IL4I1: variants seen among roughly 807,000 people sequenced by gnomAD.
IL4I1 encodes interleukin 4 induced 1.
A neutral mutation model predicts 29.7 loss-of-function variants in IL4I1; 24 were observed. That is an observed-to-expected ratio of 0.81 (90% CI 0.59 to 1.14). The LOEUF is 1.14. Among genes scored for constraint, IL4I1 ranks in the 50% most tolerant of loss-of-function variants. The pLI is 0.00. For synonymous variants in IL4I1, 371 were observed against 352.5 expected (o/e 1.05, Z -0.59); for missense variants, 686 against 785.6 (o/e 0.87, Z 1.52).
rs1364490305 is a variant in IL4I1 at position 49,902,958 on chromosome 19, T to A, written c.-104-1137A>T. ...GGTAAAACCCTGTCTCTACTAAAAA[T>A]ACGAAAATTAGCTGGGTGTGGTAGT... On this transcript the variant is annotated intron_variant, in intron 3 of 9. Transcript: ENST00000341114. 2.0e-5 allele frequency among the ~76,000 whole-genome samples: 3 copies of A among 146,796 alleles called. No individual in the cohort carries two copies. The Admixed American group carries it at 2.0e-4, about 10-fold the overall frequency.
chr19:49,904,952 C>A (rs559279538), intron 2 of IL4I1, among the ~76,000 whole-genome samples: 14 of 152,216 alleles, frequency 9.2e-5, no homozygotes, highest in South Asian at 6.2e-4. Flanking sequence ...CCTCGTGATC[C>A]GCCCACCTTG....
intron 2 of IL4I1, among the ~76,000 whole-genome samples, chr19:49,913,536 C>T (rs1228862384): frequency 1.3e-5 from 2 of 152,230 alleles, no homozygotes. Context: ...ACCCGGGCCG[C>T]CACTGCTCCG....
chr19:49,896,776 C>T, intron 1 of IL4I1, 59 bp downstream of exon 1: 5 of 947,864 alleles, frequency 5.3e-6, no homozygotes, highest in Non-Finnish European at 3.8e-6. Context: ...GACTGCTTCT[C>T]AGTCCCTATT....
rs993455649 is a variant in IL4I1 at position 49,908,632 on chromosome 19, C to G, written c.-227-4311G>C. The stretch of plus-strand genomic sequence containing the variant: ...TCTGCTGGGACAGGATGAAGTCGAG[C>G]TCCTGGTCCAGCCTCTTCTGGTCCA... On this transcript the variant is annotated intron_variant, in intron 2 of 9. Coordinates refer to the IL4I1 transcript ENST00000341114. The G allele has an allele frequency of 3.1e-6, 5 of 1,613,258 alleles. No individual in the cohort carries two copies. In the Admixed American group the frequency reaches 8.3e-5, roughly 27 times the overall value.
chr19:49,896,462 T>G (rs1600474489), intron 1 of IL4I1, among the ~76,000 whole-genome samples: 1 of 151,742 alleles, frequency 6.6e-6, no homozygotes, highest in East Asian at 1.9e-4. Flanking sequence ...TTTTTAACAG[T>G]CTTTCTCTGC....
chr19:49,905,231 A>G (rs1222417868), intron 2 of IL4I1, among the ~76,000 whole-genome samples: 1 of 152,270 alleles, frequency 6.6e-6, no homozygotes, highest in Admixed American at 6.5e-5. Flanking sequence ...CACTTTGGAA[A>G]TACATGCTCA....
At position 49,921,311 on chromosome 19, in the gene IL4I1, C is replaced by T. The variant is rs938628594; in HGVS notation, c.-228+6383G>A. On this transcript the variant is annotated intron_variant, in intron 2 of 9. Transcript: ENST00000341114. The surrounding 1 kb of genome is among the most constrained non-coding windows in gnomAD (Gnocchi z 5.4). Reference sequence around the variant, plus strand: ...TCTGGCCCCACAGCTGAGCTCCTAACCGCACCGAGCCTCTCCAAAACATGG... The same window carrying T: ...TCTGGCCCCACAGCTGAGCTCCTAATCGCACCGAGCCTCTCCAAAACATGG... Among the ~76,000 whole-genome samples, 5 of 152,178 alleles carry T rather than the reference C, an allele frequency of 3.3e-5. No homozygotes were observed. Among genetic ancestry groups the T allele is most frequent in the African/African-American group, 1.2e-4 (5 of 41,438 alleles).
At chr19:49,909,185 G>C (rs747137579) in intron 2 of IL4I1, 4 of 1,613,810 alleles carry the variant, frequency 2.5e-6, no homozygotes, top group Non-Finnish European at 3.4e-6. Flanking sequence ...TGTGGGTGTG[G>C]GAGCAGCTGG....
intron 2 of IL4I1, among the ~76,000 whole-genome samples, chr19:49,914,843 A>G (rs1029983113): frequency 9.5e-5 from 14 of 147,020 alleles, no homozygotes; most frequent in Non-Finnish European, 1.5e-4. Flanking sequence ...GGGTTCAAGC[A>G]ATTCTCCCAC....
chr19:49,895,876 A>G lies in IL4I1; in HGVS notation c.191T>C (p.Val64Ala), dbSNP rs201454684. Residue 64 changes from valine to alanine, a missense_variant, in exon 3 of 8, where the codon GTG becomes GCG. Transcript: ENST00000391826. ...CAGCCCGGCCACACCAGCGCCAACC[A>G]CAATCACCCTCTGGGGCTTCAGGGT... ...NRTLKPQRVI[V>A]VGAGVAGLVA... is the part of the protein sequence containing the mutation. The G allele has an allele frequency of 3.1e-6, 5 of 1,614,070 alleles. No homozygotes were observed. In the East Asian group the frequency reaches 1.1e-4, roughly 36 times the overall value.
chr19:49,912,492 C>T (rs1362024860), intron 2 of IL4I1, among the ~76,000 whole-genome samples: 2 of 152,030 alleles, frequency 1.3e-5, no homozygotes, highest in Admixed American at 6.6e-5. Flanking sequence ...TTATTAAGTG[C>T]CACATTGGTT....
At chr19:49,901,912 G>A in intron 3 of IL4I1, 1 of 414,684 alleles carries the variant, frequency 2.4e-6, no homozygotes, top group East Asian at 3.8e-5. Flanking sequence ...ATAAACCCAG[G>A]TGAATTCATG....
rs976949046 is a variant in IL4I1, at chr19:49,890,151, G to A, written c.1223C>T (p.Ala408Val). The change falls in exon 8 of 8, where the codon GCC becomes GTC. Residue 408 changes from alanine to valine, a missense_variant. Transcript: ENST00000391826. The stretch of plus-strand genomic sequence containing the variant: ...CAACGCCTCTTCCCGGCTCAAGCCG[G>A]CGAACGCTGCCGCCGCGTCCGACCA... ...YTWSDAAAAF[A>V]GLSREEALRL... The A allele has an allele frequency of 1.9e-6, 3 of 1,541,396 alleles. No individual in the cohort carries two copies. Among genetic ancestry groups the A allele is most frequent in the African/African-American group, 2.7e-5 (2 of 72,896 alleles).
At chr19:49,918,915 G>GT (rs2075695975) in intron 2 of IL4I1, among the ~76,000 whole-genome samples, 1 of 109,768 alleles carries the variant, frequency 9.1e-6, no homozygotes, top group Non-Finnish European at 1.9e-5. Flanking sequence ...GGGGCGGGGT[G>GT]TGGGGGGGCG....
At position 49,896,864 on chromosome 19, in the gene IL4I1, C is replaced by T. The variant is rs556268352; in HGVS notation, c.-52G>A. On this transcript the variant is annotated 5_prime_UTR_variant, in exon 1 of 8. Transcript: ENST00000391826. ...AGCTCTTGGTGACAGCAGGACAGCG[C>T]GGTCCTCTCCACTGCCCTCCACTGT... The T allele has an allele frequency of 3.8e-5, 37 of 985,796 alleles. No homozygotes were observed. In the East Asian group the frequency reaches 2.4e-3, roughly 63 times the overall value. The allele number at this position is 985,796 out of a possible 1,614,324, so 61.1% of individuals were successfully genotyped here.
At chr19:49,917,699 T>C (rs1208926562) in intron 2 of IL4I1, 1 of 152,118 alleles carries the variant, frequency 6.6e-6, no homozygotes, top group Non-Finnish European at 1.5e-5. Flanking sequence ...CTCTCTTACA[T>C]AACTACCCTG....
chr19:49,895,938 C>G lies in IL4I1; in HGVS notation c.129G>C (p.Glu43Asp). ...CCCAGGTCACCACCTTGAGCAGCTG[C>G]TCATAGTCAGGATCCTGCATGCATT... ...FEKCMQDPDY[E>D]QLLKVVTWGL... The change falls in exon 3 of 8, where the codon GAG (glutamate) becomes GAC (aspartate). Residue 43 changes from glutamate to aspartate, a missense_variant. Physicochemically the swap from Glu to Asp is conservative, Grantham distance 45 (BLOSUM62 2). Coordinates refer to ENST00000391826, the MANE Select transcript of IL4I1 (RefSeq NM_152899.2). 1.2e-6 allele frequency: 2 copies of G among 1,614,210 alleles called. No homozygotes were observed. Among genetic ancestry groups the G allele is most frequent in the East Asian group, 4.5e-5 (2 of 44,886 alleles).
chr19:49,910,690 A>G (rs1162013095), intron 2 of IL4I1, among the ~76,000 whole-genome samples: 1 of 134,458 alleles, frequency 7.4e-6, no homozygotes, highest in Non-Finnish European at 1.6e-5. Flanking sequence ...ACATCACGGG[A>G]GACCATGAGC....
At chr19:49,895,787 C>A (rs2075199680) in intron 3 of IL4I1, 28 bp downstream of exon 3, 2 of 1,610,916 alleles carry the variant, frequency 1.2e-6, no homozygotes, top group South Asian at 2.2e-5. Flanking sequence ...GGAGGGACTC[C>A]AGGTAGACTG....
Sources: gnomAD v4.1 joint callset for allele counts (sites outside exome capture counted in the v4.1 genomes callset) on GRCh38, gnomAD v4.1.1 for gene constraint, Gnocchi (gnomAD v3.1) non-coding constraint, MANE v1.5 for transcripts, NCBI Gene and HGNC (gene_info 2026-07-23, HGNC 2026-07-21) for gene names.